Variants in RAB5C observed in about 807,000 individuals in gnomAD.
The protein encoded by RAB5C is ras-related protein Rab-5C.
Under a neutral mutation model 25.2 loss-of-function variants are expected in RAB5C, and 4 were observed. The ratio of observed to expected loss-of-function variants is 0.16; its 90% CI spans 0.08 to 0.36. The LOEUF (loss-of-function observed/expected upper bound fraction) is 0.36, where lower values mean the gene tolerates loss of function less well. Ranked by LOEUF, RAB5C falls within the 10% of genes least tolerant of loss-of-function variation. The pLI, the probability that RAB5C is intolerant of heterozygous loss-of-function variation, is 1.00. For missense variants in RAB5C, 199 were observed against 283.8 expected (o/e 0.70, Z 2.15); for synonymous variants, 100 against 106.4 (o/e 0.94, Z 0.37).
At chr17:42,125,965 C>A in intron 5 of RAB5C, 67 bp from the exon 6 acceptor site, 1 of 1,232,596 alleles carries the variant, frequency 8.1e-7, no homozygotes, top group Non-Finnish European at 1.2e-6. Flanking sequence ...TCCACTGGAG[C>A]AGATTCTGGC....
Position 42,133,174 on chromosome 17 carries a change from A to G in RAB5C, c.-88-2584T>C, listed in dbSNP as rs1197494411. On this transcript the variant is annotated intron_variant, in intron 1 of 5. Transcript: ENST00000346213. ...GCGACAGCAACAGAGGGAAAACCAC[A>G]GTGGAATTACAAGTTGGTTATTACC... Among the ~76,000 whole-genome samples the G allele has an allele frequency of 3.3e-5, 5 of 152,218 alleles. 1 individual carries two copies. The highest frequency in any genetic ancestry group is 1.5e-5 in the Non-Finnish European group (1 of 68,038).
chr17:42,140,175 C>G (rs1325269719), intron 1 of RAB5C, among the ~76,000 whole-genome samples: 1 of 152,172 alleles, frequency 6.6e-6, no homozygotes, highest in African/African-American at 2.4e-5. Flanking sequence ...GTTCATCCAG[C>G]CACTCACACC....
At chr17:42,130,294 G>A in intron 2 of RAB5C, 43 bp downstream of exon 2, 2 of 1,551,588 alleles carry the variant, frequency 1.3e-6, no homozygotes, top group Non-Finnish European at 1.8e-6. Context: ...GCATTTCTTT[G>A]GCAACCTTCA....
chr17:42,147,796 G>A, intron 1 of RAB5C, among the ~76,000 whole-genome samples: 1 of 152,186 alleles, frequency 6.6e-6, no homozygotes, highest in East Asian at 1.9e-4. Context: ...GGAAGTGTGT[G>A]TTAAAAGAAG....
chr17:42,127,547 C>CTT (rs113883357), intron 4 of RAB5C, among the ~76,000 whole-genome samples: 23 of 143,058 alleles, frequency 1.6e-4, no homozygotes, highest in African/African-American at 5.1e-4. Flanking sequence ...TTATTCTTTT[C>CTT]TTTTTTTTTT....
chr17:42,148,484 C>G (rs2079650838), intron 1 of RAB5C, among the ~76,000 whole-genome samples: 1 of 151,848 alleles, frequency 6.6e-6, no homozygotes, highest in Non-Finnish European at 1.5e-5. Context: ...CTGCCCTCTC[C>G]TTTAACAACT....
At chr17:42,126,400 A>AG in intron 5 of RAB5C, 1 of 176,416 alleles carries the variant, frequency 5.7e-6, no homozygotes, top group Non-Finnish European at 1.2e-5. Context: ...TGGGAGGCCG[A>AG]GGCGGGTGGA....
Position 42,125,761 on chromosome 17 carries a change from G to A in RAB5C, c.*22C>T, listed in dbSNP as rs1555668613. 3.9e-6 allele frequency: 6 copies of A among 1,540,340 alleles called. No homozygotes were observed. The Admixed American group carries it at 5.5e-5, about 14-fold the overall frequency. On this transcript the variant is annotated 3_prime_UTR_variant, in exon 6 of 6. Coordinates refer to ENST00000346213, the MANE Select transcript of RAB5C (RefSeq NM_004583.4). ...GGTCATTCAGGCGGAGGAGGCGGGG[G>A]CAGCGGGCAGGCAAGGGGGGCTCAG...
chr17:42,151,664 A>C (rs2079672584), intron 1 of RAB5C, among the ~76,000 whole-genome samples: 1 of 152,120 alleles, frequency 6.6e-6, no homozygotes, highest in African/African-American at 2.4e-5. Context: ...GGGACCCCTG[A>C]GTTTACTCAC....
At chr17:42,153,906 C>T (rs2079688364) in intron 1 of RAB5C, among the ~76,000 whole-genome samples, 1 of 152,216 alleles carries the variant, frequency 6.6e-6, no homozygotes, top group Non-Finnish European at 1.5e-5. Context: ...AGTCCAAGCC[C>T]TGAAGGGATT....
chr17:42,125,672 C>T lies in RAB5C; in HGVS notation c.*111G>A, dbSNP rs1046740197. ...TATGGAGAAATCATGGTGGACCCCT[C>T]CCCCTGCCCCCCCAGTGGTGGCCCG... On this transcript the variant is annotated 3_prime_UTR_variant, in exon 6 of 6. Transcript: ENST00000346213. 17 of 703,340 alleles carry T rather than the reference C, an allele frequency of 2.4e-5. 1 individual carries two copies. The highest frequency in any genetic ancestry group is 7.2e-5 in the South Asian group (4 of 55,320). The allele number at this position is 703,340 out of a possible 1,614,324, so 43.6% of individuals were successfully genotyped here.
chr17:42,147,287 A>G (rs1360254985), intron 1 of RAB5C, among the ~76,000 whole-genome samples: 1 of 152,202 alleles, frequency 6.6e-6, no homozygotes, highest in Non-Finnish European at 1.5e-5. Context: ...TGCTCATACC[A>G]CTGGTCTGAA....
chr17:42,151,450 G>C (rs1207676871), intron 1 of RAB5C, among the ~76,000 whole-genome samples: 1 of 151,570 alleles, frequency 6.6e-6, no homozygotes, highest in African/African-American at 2.4e-5. Flanking sequence ...AAAAAAAAAA[G>C]AAGTAGAAGG....
chr17:42,140,335 T>G (rs1055410924), intron 1 of RAB5C, among the ~76,000 whole-genome samples: 5 of 151,498 alleles, frequency 3.3e-5, no homozygotes, highest in Non-Finnish European at 7.4e-5. Context: ...AAAAGAGAAA[T>G]AGCAATCCAA....
chr17:42,145,910 G>A (rs556077086), intron 1 of RAB5C, among the ~76,000 whole-genome samples: 10 of 152,238 alleles, frequency 6.6e-5, no homozygotes, highest in South Asian at 2.1e-4. Flanking sequence ...TGGTTCAAGC[G>A]ATTCTTGTGC....
intron 1 of RAB5C, among the ~76,000 whole-genome samples, chr17:42,133,406 T>C (rs2054505801): frequency 6.6e-6 from 1 of 152,220 alleles, no homozygotes; most frequent in South Asian, 2.1e-4. Flanking sequence ...ATCTAAGTCT[T>C]GTCACTACCA....
chr17:42,154,872 T>C (rs983564852), intron 1 of RAB5C, 21 bp downstream of exon 1: 5 of 152,332 alleles, frequency 3.3e-5, no homozygotes, highest in Admixed American at 3.3e-4. Flanking sequence ...AGACACCAGG[T>C]CCTGGGACAA....
chr17:42,149,765 A>C (rs2079658130), intron 1 of RAB5C, among the ~76,000 whole-genome samples: 1 of 152,136 alleles, frequency 6.6e-6, no homozygotes, highest in South Asian at 2.1e-4. Flanking sequence ...AATTCTGTTC[A>C]ATGTCTACAA....
chr17:42,136,176 A>C (rs1307461118), intron 1 of RAB5C: 1 of 152,230 alleles, frequency 6.6e-6, no homozygotes, highest in Non-Finnish European at 1.5e-5. Flanking sequence ...TTCAAAGGCT[A>C]AAGTGGAAGA....
Sources: allele counts gnomAD v4.1 joint callset (sites outside exome capture counted in the v4.1 genomes callset), GRCh38; gene constraint gnomAD v4.1.1; transcripts MANE v1.5; gene names NCBI Gene and HGNC (gene_info 2026-07-23, HGNC 2026-07-21).